Variants in ASIC2 observed in about 807,000 individuals in gnomAD.
ASIC2 encodes acid sensing ion channel subunit 2, also known as acid-sensing ion channel 2.
A neutral mutation model predicts 57.3 loss-of-function variants in ASIC2; 25 were observed. The ratio of observed to expected loss-of-function variants is 0.44; its 90% CI spans 0.32 to 0.61. The LOEUF is 0.61. Among genes scored for constraint, ASIC2 ranks in the 20% least tolerant of loss-of-function variants. The probability of loss-of-function intolerance (pLI) is 0.06; values close to 1 mark genes in which losing one functional copy is unlikely to be tolerated. For synonymous variants in ASIC2, 319 were observed against 307.5 expected (o/e 1.04, Z -0.39); for missense variants, 641 against 738.1 (o/e 0.87, Z 1.52).
chr17:33,786,122 C>G (rs1030635604), intron 1 of ASIC2, among the ~76,000 whole-genome samples: 3 of 152,136 alleles, frequency 2.0e-5, no homozygotes, highest in Non-Finnish European at 4.4e-5. Flanking sequence ...CTGTGCCCCC[C>G]CCTTGATCAT....
At chr17:33,221,421 C>T (rs1190901051) in intron 1 of ASIC2, among the ~76,000 whole-genome samples, 1 of 152,224 alleles carries the variant, frequency 6.6e-6, no homozygotes, top group Non-Finnish European at 1.5e-5. Context: ...ACCAACATGA[C>T]CGTTGTTTTT....
chr17:33,310,331 T>A (rs1906357978), intron 1 of ASIC2, among the ~76,000 whole-genome samples: 1 of 152,060 alleles, frequency 6.6e-6, no homozygotes, highest in African/African-American at 2.4e-5. Context: ...CAGGAATAGG[T>A]CCCTCATCTT....
chr17:33,532,640 T>C (rs534817909), intron 1 of ASIC2, among the ~76,000 whole-genome samples: 22 of 152,360 alleles, frequency 1.4e-4, no homozygotes, highest in African/African-American at 5.3e-4. Context: ...CCATATAATC[T>C]GTCATTTCCA....
At chr17:33,850,180 G>A (rs1342383895) in intron 1 of ASIC2, among the ~76,000 whole-genome samples, 4 of 152,144 alleles carry the variant, frequency 2.6e-5, no homozygotes, top group Non-Finnish European at 5.9e-5. Context: ...CAGTTTTGAG[G>A]CCAAGAAGAA....
chr17:33,301,196 A>AT (rs779633855), intron 1 of ASIC2, among the ~76,000 whole-genome samples: 7,124 of 141,046 alleles, frequency 0.051, 442 homozygotes, highest in African/African-American at 0.15. Context: ...TGCCTGGCTA[A>AT]TTTTTTTTTT....
chr17:34,088,346 C>T (rs1318657642), intron 1 of ASIC2, among the ~76,000 whole-genome samples: 1 of 152,190 alleles, frequency 6.6e-6, no homozygotes, highest in Non-Finnish European at 1.5e-5. Flanking sequence ...GCGGTGTTTG[C>T]AGAACAGCGG....
At chr17:33,728,968 C>G (rs1413501295) in intron 1 of ASIC2, among the ~76,000 whole-genome samples, 2 of 152,130 alleles carry the variant, frequency 1.3e-5, no homozygotes, top group Non-Finnish European at 2.9e-5. Context: ...GGCCCCATCA[C>G]CCCCGACAAC....
intron 1 of ASIC2, among the ~76,000 whole-genome samples, chr17:33,313,236 AG>A (rs1182329624): frequency 2.0e-5 from 3 of 151,840 alleles, no homozygotes; most frequent in Admixed American, 1.3e-4. Context: ...TGAGGTGGGC[AG>A]GGTTGCTTGA....
intron 1 of ASIC2, among the ~76,000 whole-genome samples, chr17:33,333,572 G>A (rs755733663): frequency 2.6e-5 from 4 of 152,166 alleles, no homozygotes; most frequent in Non-Finnish European, 5.9e-5. Flanking sequence ...TTATCTTTTG[G>A]TGGTATGGTG....
At chr17:33,548,513 G>A (rs1281050080) in intron 1 of ASIC2, among the ~76,000 whole-genome samples, 2 of 152,080 alleles carry the variant, frequency 1.3e-5, no homozygotes, top group East Asian at 3.9e-4. Context: ...GCAAATGAGG[G>A]GTATTATTGC....
chr17:33,781,667 G>A (rs1184345453), intron 1 of ASIC2, among the ~76,000 whole-genome samples: 2 of 152,128 alleles, frequency 1.3e-5, no homozygotes, highest in African/African-American at 4.8e-5. Context: ...GAAGTCAGCT[G>A]TGAGACAAAT....
At chr17:33,530,709 G>GT (rs1261625098) in intron 1 of ASIC2, among the ~76,000 whole-genome samples, 1 of 152,212 alleles carries the variant, frequency 6.6e-6, no homozygotes, top group Non-Finnish European at 1.5e-5. Context: ...TCATAGTCCT[G>GT]CCTAGGGAGA....
At chr17:33,890,934 C>T (rs1333518163) in intron 1 of ASIC2, among the ~76,000 whole-genome samples, 6 of 151,266 alleles carry the variant, frequency 4.0e-5, no homozygotes, top group Non-Finnish European at 8.8e-5. Flanking sequence ...ACACTCTGAT[C>T]CACCCCAAGC....
chr17:34,082,245 G>A (rs1364730627), intron 1 of ASIC2: 2 of 152,208 alleles, frequency 1.3e-5, no homozygotes, highest in Non-Finnish European at 2.9e-5. Flanking sequence ...TCCTGGAGAT[G>A]AGAACACTAG....
rs1030494742 is a variant in ASIC2, at chr17:33,104,978, G to A, written c.859+6939C>T. 2.0e-5 allele frequency among the ~76,000 whole-genome samples: 3 copies of A among 152,134 alleles called. No homozygotes were observed. The South Asian group carries it at 6.2e-4, about 32-fold the overall frequency. ...ACAGAGTAGCTACTCACTAATGCAG[G>A]CTTCTCCCTCACCCTGGCCCTGGCA... On this transcript the variant is annotated intron_variant, in intron 2 of 9. Coordinates refer to ENST00000225823, the MANE Select transcript of ASIC2 (RefSeq NM_183377.2).
Position 33,250,294 on chromosome 17 carries a change from C to T in ASIC2, c.708+41114G>A, listed in dbSNP as rs1028093721. Among the ~76,000 whole-genome samples, 10 of 152,156 alleles carry T rather than the reference C, an allele frequency of 6.6e-5. No homozygotes were observed. The East Asian group carries it at 1.2e-3, about 18-fold the overall frequency. On this transcript the variant is annotated intron_variant, in intron 1 of 9. Coordinates refer to ENST00000225823, the MANE Select transcript of ASIC2 (RefSeq NM_183377.2). Reference sequence around the variant, plus strand: ...CACCCAAAGGGAGATGTCCCTTTTTCGAGGAGCTGGGGTGTGGGTGGCCAG... The same window carrying T: ...CACCCAAAGGGAGATGTCCCTTTTTTGAGGAGCTGGGGTGTGGGTGGCCAG...
At chr17:33,805,937 C>T (rs899454499) in intron 1 of ASIC2, among the ~76,000 whole-genome samples, 5 of 152,218 alleles carry the variant, frequency 3.3e-5, no homozygotes, top group Non-Finnish European at 2.9e-5. Context: ...TCCATATACA[C>T]ACACTTGCAC....
At chr17:34,076,742 A>T (rs1215223146) in intron 1 of ASIC2, among the ~76,000 whole-genome samples, 2 of 152,126 alleles carry the variant, frequency 1.3e-5, no homozygotes, top group Non-Finnish European at 2.9e-5. Flanking sequence ...ACCAAAACCC[A>T]GCTGGTCTTT....
At chr17:33,420,519 T>C (rs1911008104) in intron 1 of ASIC2, among the ~76,000 whole-genome samples, 1 of 152,234 alleles carries the variant, frequency 6.6e-6, no homozygotes, top group Admixed American at 6.5e-5. Flanking sequence ...TCACCTTAAG[T>C]GTACCTTCTC....
Sources: gnomAD v4.1 joint callset for allele counts (sites outside exome capture counted in the v4.1 genomes callset) on GRCh38, gnomAD v4.1.1 for gene constraint, MANE v1.5 for transcripts, NCBI Gene and HGNC (gene_info 2026-07-23, HGNC 2026-07-21) for gene names.